Variants in MLXIP observed in about 807,000 individuals in gnomAD.
MLXIP encodes the protein MLX interacting protein, also known as MLX-interacting protein.
MLXIP carries 30 observed loss-of-function variants against 87.2 expected under a neutral mutation model. That is an observed-to-expected ratio of 0.34 (90% CI 0.26 to 0.47). The LOEUF (loss-of-function observed/expected upper bound fraction) is 0.47. Ranked by LOEUF, MLXIP falls within the 20% of genes least tolerant of loss-of-function variation. The pLI is 1.00. For missense variants in MLXIP, 1,002 were observed against 1,240.1 expected (o/e 0.81, Z 2.88); for synonymous variants, 530 against 514.0 (o/e 1.03, Z -0.42).
chr12:122,116,053 A>AAAACACACAC (rs1952685725), intron 1 of MLXIP, among the ~76,000 whole-genome samples: 1 of 147,220 alleles, frequency 6.8e-6, no homozygotes, highest in East Asian at 2.0e-4. Flanking sequence ...TCCATCTGAA[A>AAAACACACAC]ACACACACAC....
intron 7 of MLXIP, 30 bp from the exon 8 acceptor site, chr12:122,132,262 G>C: frequency 6.5e-7 from 1 of 1,548,816 alleles, no homozygotes; most frequent in Non-Finnish European, 8.8e-7. Context: ...GGCACACTGA[G>C]CTCAGAAGAC....
chr12:122,119,952 A>G (rs1952753214), intron 1 of MLXIP, among the ~76,000 whole-genome samples: 2 of 152,174 alleles, frequency 1.3e-5, no homozygotes, highest in African/African-American at 4.8e-5. Flanking sequence ...GCACCAGCTT[A>G]GTGACGAGAA....
rs1004840694 is a variant in MLXIP at position 122,079,195 on chromosome 12, G to A, written c.342G>A (p.Lys114=). 17 of 1,551,144 alleles carry A rather than the reference G, an allele frequency of 1.1e-5. No individual in the cohort carries two copies. In the African/African-American group the frequency reaches 2.1e-4, roughly 19 times the overall value. The change falls in exon 1 of 17, where the codon AAG becomes AAA. Residue 114 remains lysine (K), a synonymous_variant. Transcript: ENST00000319080. ...CGTGCCAGACCTACAGCTTCGGCAA[G>A]ACTAGCTCCTGCCACCTGTCCATCG... ...KQTCQTYSFG[K]TSSCHLSIDA...
chr12:122,143,830 C>T lies in MLXIP; in HGVS notation c.*2018C>T, dbSNP rs986975598. On this transcript the variant is annotated 3_prime_UTR_variant, in exon 17 of 17. Coordinates refer to ENST00000319080, the MANE Select transcript of MLXIP (RefSeq NM_014938.6). ...CTGCTGCTTCAGCCTACCTCTCCCTCTGCTGACTTAATGTCGTGATTCTGT... is the reference window on the plus strand; with the variant it reads ...CTGCTGCTTCAGCCTACCTCTCCCTTTGCTGACTTAATGTCGTGATTCTGT... 2 of 152,402 alleles carry T rather than the reference C, an allele frequency of 1.3e-5. No homozygotes were observed. Among genetic ancestry groups the T allele is most frequent in the Non-Finnish European group, 2.9e-5 (2 of 68,044 alleles). The allele number at this position is 152,402 out of a possible 1,614,324, so 9.4% of individuals were successfully genotyped here.
intron 1 of MLXIP, among the ~76,000 whole-genome samples, chr12:122,092,080 CTTTTCTTTTCTTTTCTT>C (rs1182148997): frequency 3.3e-5 from 5 of 151,522 alleles, no homozygotes; most frequent in East Asian, 1.9e-4. Flanking sequence ...CTTTCTTTTT[CTTTTCTTTTCTTTTCTT>C]TTTTCTTTTC....
chr12:122,141,560 C>G, intron 16 of MLXIP, 131 bp from the exon 17 acceptor site: 1 of 1,416,698 alleles, frequency 7.1e-7, no homozygotes, highest in Non-Finnish European at 9.3e-7. Flanking sequence ...GGCACTCCTC[C>G]CTGCAGTCCA....
In MLXIP at chr12:122,141,984, C is replaced by T. The variant is rs1593124064; in HGVS notation, c.*172C>T. 2 of 998,126 alleles carry T rather than the reference C, an allele frequency of 2.0e-6. No individual in the cohort carries two copies. The highest frequency in any genetic ancestry group is 1.6e-5 in the African/African-American group (1 of 62,304). 61.8% of individuals were successfully genotyped at this position (998,126 alleles called of 1,614,324 possible). On this transcript the variant is annotated 3_prime_UTR_variant, in exon 17 of 17. Transcript: ENST00000319080. ...GCTCAGGTCTGAAGCAGGTTTGGGG[C>T]CTGCTGACAGCAATAGCCCGCCTTT...
intron 1 of MLXIP, among the ~76,000 whole-genome samples, chr12:122,090,991 G>A (rs1469804104): frequency 6.7e-6 from 1 of 148,524 alleles, no homozygotes; most frequent in Non-Finnish European, 1.5e-5. Context: ...CTAATGGGTT[G>A]TTTTTTTTTT....
At chr12:122,081,532 C>G (rs758261727) in intron 1 of MLXIP, among the ~76,000 whole-genome samples, 1 of 152,076 alleles carries the variant, frequency 6.6e-6, no homozygotes, top group Non-Finnish European at 1.5e-5. Flanking sequence ...AGGTTGAGAT[C>G]GGAGGCAACG....
At chr12:122,097,342 C>G (rs1952369263) in intron 1 of MLXIP, among the ~76,000 whole-genome samples, 1 of 152,106 alleles carries the variant, frequency 6.6e-6, no homozygotes, top group South Asian at 2.1e-4. Context: ...TAACCAGGGC[C>G]AGGTTTGGTG....
Position 122,138,243 on chromosome 12 carries a change from T to A in MLXIP, c.2204T>A (p.Ile735Asn). 1.2e-6 allele frequency: 2 copies of A among 1,613,026 alleles called. No individual in the cohort carries two copies. Among genetic ancestry groups the A allele is most frequent in the Non-Finnish European group, 1.7e-6 (2 of 1,179,534 alleles). Residue 735 changes from isoleucine (I) to asparagine (N), a missense_variant, in exon 13 of 17, where the codon ATC becomes AAC. Transcript: ENST00000319080. The stretch of plus-strand genomic sequence containing the variant: ...GCTGAGCAGAAAAGGCGCTTCAACA[T>A]CAAGATGTGCTTCGACATGCTCAAC... The part of the protein sequence containing the change: ...ISAEQKRRFN[I>N]KMCFDMLNSL...
chr12:122,118,247 G>A (rs1338695803), intron 1 of MLXIP, among the ~76,000 whole-genome samples: 5 of 141,660 alleles, frequency 3.5e-5, no homozygotes, highest in South Asian at 2.4e-4. Flanking sequence ...AATGGTGCAC[G>A]GTTTAGGATT....
intron 5 of MLXIP, 141 bp from the exon 6 acceptor site, chr12:122,129,800 C>T: frequency 7.8e-7 from 1 of 1,286,574 alleles, no homozygotes; most frequent in Non-Finnish European, 1.1e-6. Flanking sequence ...CTGGAGGGAG[C>T]CGCTCTCCAA....
Position 122,142,202 on chromosome 12 carries a change from G to A in MLXIP, c.*390G>A. The A allele has an allele frequency of 4.3e-6, 3 of 701,198 alleles. No homozygotes were observed. The highest frequency in any genetic ancestry group is 5.2e-6 in the Non-Finnish European group (2 of 384,604). 43.4% of individuals were successfully genotyped at this position (701,198 alleles called of 1,614,324 possible). ...GGGCCTGCTCCTGTCCTGAGGCCCAGCCTTGTCCCTCCTGCCACGTCCTGT... is the reference window on the plus strand; with the variant it reads ...GGGCCTGCTCCTGTCCTGAGGCCCAACCTTGTCCCTCCTGCCACGTCCTGT... On this transcript the variant is annotated 3_prime_UTR_variant, in exon 17 of 17. Transcript: ENST00000319080.
At chr12:122,129,060 G>T in intron 3 of MLXIP, 77 bp from the exon 4 acceptor site, 1 of 1,221,040 alleles carries the variant, frequency 8.2e-7, no homozygotes, top group South Asian at 1.3e-5. Flanking sequence ...TTATAGTGCC[G>T]GATACTCAGT....
At chr12:122,081,634 C>T (rs1952092353) in intron 1 of MLXIP, among the ~76,000 whole-genome samples, 1 of 151,860 alleles carries the variant, frequency 6.6e-6, no homozygotes, top group South Asian at 2.1e-4. Context: ...TCAGCCTGGG[C>T]AATGTAGCAA....
intron 1 of MLXIP, among the ~76,000 whole-genome samples, chr12:122,087,806 G>T (rs1485818466): frequency 1.3e-5 from 2 of 152,186 alleles, no homozygotes; most frequent in Admixed American, 6.5e-5. Flanking sequence ...TGGAGCTCCA[G>T]CCTCAGACTA....
chr12:122,132,255 A>G lies in MLXIP; in HGVS notation c.1001-37A>G. The stretch of plus-strand genomic sequence containing the variant: ...GTCTTGATTCCAGCAAATGCTGGGC[A>G]CACTGAGCTCAGAAGACCCCTGCTG... On this transcript the variant is annotated intron_variant, in intron 7 of 16. Coordinates refer to ENST00000319080, the MANE Select transcript of MLXIP (RefSeq NM_014938.6). 2.7e-6 allele frequency: 4 copies of G among 1,502,790 alleles called. 1 individual carries two copies. In the South Asian group the frequency reaches 4.7e-5, roughly 18 times the overall value. 93.1% of individuals were successfully genotyped at this position (1,502,790 alleles called of 1,614,324 possible). A position where few individuals can be genotyped will look rare whatever the true frequency, so the allele number is the denominator to read the frequency against.
rs1346892407 is a variant in MLXIP, at chr12:122,141,095, A to G, written c.2638+12A>G. On this transcript the variant is annotated intron_variant, in intron 16 of 16. Coordinates refer to ENST00000319080, the MANE Select transcript of MLXIP (RefSeq NM_014938.6). The stretch of plus-strand genomic sequence containing the variant: ...CATCCTCAGGCCGAGTGAGTGGGGC[A>G]GTGCCAGGGTGGGGGGCTTCATGCT... 7 of 1,603,136 alleles carry G rather than the reference A, an allele frequency of 4.4e-6. No homozygotes were observed. Among genetic ancestry groups the G allele is most frequent in the Non-Finnish European group, 5.1e-6 (6 of 1,175,824 alleles).
Sources: gnomAD v4.1 joint callset for allele counts (sites outside exome capture counted in the v4.1 genomes callset) on GRCh38, gnomAD v4.1.1 for gene constraint, MANE v1.5 for transcripts, NCBI Gene and HGNC (gene_info 2026-07-23, HGNC 2026-07-21) for gene names.